Variants in DMD observed in about 807,000 individuals in gnomAD.
DMD encodes the protein mutant dystrophin.
In DMD, 63 loss-of-function variants were observed where a neutral mutation model predicts 330.1. The observed-to-expected ratio is 0.19, with a 90% CI of 0.16 to 0.24. The LOEUF (loss-of-function observed/expected upper bound fraction) is 0.24. Ranked by LOEUF, DMD falls within the 10% of genes least tolerant of loss-of-function variation. The probability of loss-of-function intolerance (pLI) is 1.00; values close to 1 mark genes in which losing one functional copy is unlikely to be tolerated. For synonymous variants in DMD, 1,223 were observed against 959.8 expected (o/e 1.27, Z -5.07); for missense variants, 3,344 against 2,684.1 (o/e 1.25, Z -5.43).
chrX:32,752,173 T>A (rs2088170058), intron 7 of DMD, among the ~76,000 whole-genome samples: 1 of 111,410 alleles, frequency 9.0e-6, no homozygotes, highest in Admixed American at 9.5e-5. Flanking sequence ...CCCAGAATGG[T>A]AGATCCACTG....
intron 27 of DMD, among the ~76,000 whole-genome samples, chrX:32,442,060 G>C (rs2148229610): frequency 9.0e-6 from 1 of 110,689 alleles, no homozygotes; most frequent in African/African-American, 3.3e-5. Flanking sequence ...TCATAAAAAA[G>C]CAGAACTTTA....
In DMD at chrX:32,787,297, G is replaced by T. The variant is rs189761893; in HGVS notation, c.649+22196C>A. On this transcript the variant is annotated intron_variant, in intron 7 of 78. Coordinates refer to ENST00000357033, the MANE Select transcript of DMD (RefSeq NM_004006.3). ...GAAAGAGAGAGAGAACCACTCTGAG[G>T]AATTTAAGATATAGTATAAATCTTT... Among the ~76,000 whole-genome samples, 10 of 107,137 alleles carry T rather than the reference G, an allele frequency of 9.3e-5. No individual in the cohort carries two copies. The East Asian group carries it at 2.7e-3, about 29-fold the overall frequency. 93.0% of individuals were successfully genotyped at this position (107,137 alleles called of 115,157 possible). A position where few individuals can be genotyped will look rare whatever the true frequency, so the allele number is the denominator to read the frequency against.
intron 48 of DMD, among the ~76,000 whole-genome samples, chrX:31,862,843 C>T (rs752166857): frequency 1.8e-5 from 2 of 112,421 alleles, no homozygotes; most frequent in African/African-American, 6.5e-5. Context: ...CAGCATGCAC[C>T]GGCGAAATAG....
At chrX:31,289,350 T>C (rs997320487) in intron 62 of DMD, among the ~76,000 whole-genome samples, 1 of 109,897 alleles carries the variant, frequency 9.1e-6, no homozygotes, top group Non-Finnish European at 1.9e-5. Flanking sequence ...TTATTGTAAT[T>C]GACAACGCAA....
At chrX:33,013,473 C>T (rs964662409) in intron 2 of DMD, among the ~76,000 whole-genome samples, 1 of 111,301 alleles carries the variant, frequency 9.0e-6, no homozygotes, top group African/African-American at 3.3e-5. Context: ...AGACATAGTT[C>T]ACTGTACGTC....
Position 33,281,987 on chromosome X carries a change from T to C in DMD, c.7+57272A>G, listed in dbSNP as rs7056438. ...GATAGGATTATTGTGTTAGAATCCC[T>C]ATACTGGTACCCTCCAGCTGCTCCA... On this transcript the variant is annotated intron_variant, in intron 1 of 17. Coordinates refer to the DMD transcript ENST00000288447. 7.9e-3 allele frequency among the ~76,000 whole-genome samples: 862 copies of C among 109,698 alleles called. 8 individuals are homozygous for C. The highest frequency in any genetic ancestry group is 0.021 in the African/African-American group (626 of 30,111).
chrX:32,529,541 T>A (rs866730097), intron 17 of DMD, among the ~76,000 whole-genome samples: 1 of 107,530 alleles, frequency 9.3e-6, no homozygotes, highest in African/African-American at 3.4e-5. Context: ...TTAGGCAAAA[T>A]CAACTTTCTA....
intron 51 of DMD, among the ~76,000 whole-genome samples, chrX:31,770,051 A>G (rs888259615): frequency 3.6e-5 from 4 of 112,198 alleles, no homozygotes; most frequent in Non-Finnish European, 5.6e-5. Context: ...GAGAAAAGAG[A>G]GTATCACAAA....
intron 7 of DMD, among the ~76,000 whole-genome samples, chrX:32,729,720 A>C (rs1308606341): frequency 9.4e-6 from 1 of 106,470 alleles, no homozygotes; most frequent in Non-Finnish European, 1.9e-5. Context: ...GGAGCTTTTT[A>C]TACTAAGAAA....
At chrX:32,229,726 A>ATATATATATATATAT (rs1569552140) in intron 43 of DMD, among the ~76,000 whole-genome samples, 1 of 81,564 alleles carries the variant, frequency 1.2e-5, no homozygotes, top group Non-Finnish European at 2.3e-5. Context: ...ATATATATAT[A>ATATATATATATATAT]AAATCAAAGA....
chrX:32,815,708 C>A (rs4403544), intron 6 of DMD, among the ~76,000 whole-genome samples: 1 of 109,048 alleles, frequency 9.2e-6, no homozygotes, highest in East Asian at 2.9e-4. Flanking sequence ...CAAAAAAAAT[C>A]TTTTTCATCT....
intron 18 of DMD, among the ~76,000 whole-genome samples, chrX:32,507,634 A>G (rs1454581873): frequency 1.8e-5 from 2 of 111,869 alleles, no homozygotes; most frequent in Non-Finnish European, 3.8e-5. Context: ...AGTAGGTACT[A>G]TTACTTTCCC....
At chrX:31,500,763 T>G (rs773517960) in intron 56 of DMD, among the ~76,000 whole-genome samples, 1 of 112,114 alleles carries the variant, frequency 8.9e-6, no homozygotes, top group Non-Finnish European at 1.9e-5. Flanking sequence ...TTGTTTTGCA[T>G]ATGTAGAAAT....
intron 63 of DMD, among the ~76,000 whole-genome samples, chrX:31,237,625 T>A (rs778572499): frequency 1.8e-5 from 2 of 112,698 alleles, no homozygotes; most frequent in Admixed American, 9.4e-5. Context: ...TAATAAAGGA[T>A]GCCTGAAGCG....
chrX:31,526,996 GCCA>G (rs1241240626), intron 55 of DMD, among the ~76,000 whole-genome samples: 1 of 111,076 alleles, frequency 9.0e-6, no homozygotes, highest in Non-Finnish European at 1.9e-5. Flanking sequence ...TGTAGTCCCA[GCCA>G]CTTGGGAGGC....
intron 55 of DMD, among the ~76,000 whole-genome samples, chrX:31,582,294 G>C (rs1460800126): frequency 1.8e-5 from 2 of 111,186 alleles, no homozygotes; most frequent in Non-Finnish European, 3.8e-5. Flanking sequence ...CTTTGCGGCA[G>C]ATGGAAGTAT....
intron 52 of DMD, among the ~76,000 whole-genome samples, chrX:31,725,745 G>T (rs1434000772): frequency 8.9e-6 from 1 of 112,060 alleles, no homozygotes. Flanking sequence ...AGTGGTGGGG[G>T]TTACGGAGGG....
At chrX:31,124,072 G>T (rs1446685171) in intron 78 of DMD, among the ~76,000 whole-genome samples, 1 of 111,983 alleles carries the variant, frequency 8.9e-6, no homozygotes, top group African/African-American at 3.2e-5. Context: ...GCTATTTAAA[G>T]ATTTGCCAGG....
rs919326599 is a variant in DMD, at chrX:33,148,099, C to A, written c.31+63183G>T. 8.0e-5 allele frequency among the ~76,000 whole-genome samples: 9 copies of A among 112,020 alleles called. No homozygotes were observed. The East Asian group carries it at 2.5e-3, about 31-fold the overall frequency. On this transcript the variant is annotated intron_variant, in intron 1 of 78. Coordinates refer to ENST00000357033, the MANE Select transcript of DMD (RefSeq NM_004006.3). ...CTCTCTACCAGAAATGAAGAAGGAA[C>A]GCTGCTAATCTTGGGCTTTCATTGG...
Sources: allele counts gnomAD v4.1 joint callset (sites outside exome capture counted in the v4.1 genomes callset), GRCh38; gene constraint gnomAD v4.1.1; transcripts MANE v1.5; gene names NCBI Gene and HGNC (gene_info 2026-07-23, HGNC 2026-07-21).